The following CDH11 variants were observed in gnomAD, a reference collection of about 807,000 sequenced individuals.
CDH11 encodes cadherin-11.
Under a neutral mutation model 67.8 loss-of-function variants are expected in CDH11, and 11 were observed. The observed-to-expected ratio is 0.16, with a 90% CI of 0.10 to 0.27. The LOEUF (loss-of-function observed/expected upper bound fraction) is 0.27. CDH11 is among the 10% of genes least tolerant of loss of function. The probability of loss-of-function intolerance (pLI) is 1.00; values close to 1 mark genes in which losing one functional copy is unlikely to be tolerated. For missense variants in CDH11, 847 were observed against 1,031.2 expected (o/e 0.82, Z 2.45); for synonymous variants, 419 against 400.0 (o/e 1.05, Z -0.57).
chr16:65,006,756 A>G (rs2073063425), intron 2 of CDH11: 1 of 152,212 alleles, frequency 6.6e-6, no homozygotes, highest in South Asian at 2.1e-4. Context: ...CTCATCTTGA[A>G]TTCAACATGT....
intron 8 of CDH11, chr16:64,981,819 A>C: frequency 2.6e-6 from 1 of 382,156 alleles, no homozygotes; most frequent in Non-Finnish European, 4.6e-6. Flanking sequence ...GCCTGGGGGA[A>C]TCTGCTCCAG....
At chr16:64,972,535 G>C (rs1046877158) in intron 9 of CDH11, among the ~76,000 whole-genome samples, 12 of 152,154 alleles carry the variant, frequency 7.9e-5, no homozygotes, top group Non-Finnish European at 1.0e-4. Context: ...GATCAAGTTT[G>C]AGTTGTTGTC....
intron 2 of CDH11, among the ~76,000 whole-genome samples, chr16:65,021,889 A>G (rs1005069766): frequency 6.6e-5 from 10 of 151,050 alleles, no homozygotes; most frequent in African/African-American, 2.2e-4. Context: ...AAAAAAAAAA[A>G]AAAAGAAAGA....
chr16:65,053,847 C>A lies in CDH11; in HGVS notation c.-216G>T, dbSNP rs999035880. The A allele has an allele frequency of 2.4e-5, 11 of 455,916 alleles. No individual in the cohort carries two copies. In the Admixed American group the frequency reaches 2.6e-4, roughly 11 times the overall value. The allele number at this position is 455,916 out of a possible 1,614,324, so 28.2% of individuals were successfully genotyped here. Reference sequence around the variant, plus strand: ...ACTTGCTGCCAATTTCTGTAACACACTCCACCCATCTGATTGGTCACTCAA... The same window carrying A: ...ACTTGCTGCCAATTTCTGTAACACAATCCACCCATCTGATTGGTCACTCAA... On this transcript the variant is annotated 5_prime_UTR_variant, in exon 2 of 13. Transcript: ENST00000268603.
intron 2 of CDH11, among the ~76,000 whole-genome samples, chr16:65,031,452 A>G (rs1448823802): frequency 1.3e-5 from 2 of 152,214 alleles, no homozygotes; most frequent in African/African-American, 4.8e-5. Flanking sequence ...AAACCAAGGT[A>G]TGAGGCAGTT....
chr16:65,032,567 A>G (rs2073664337), intron 2 of CDH11, among the ~76,000 whole-genome samples: 1 of 152,060 alleles, frequency 6.6e-6, no homozygotes, highest in African/African-American at 2.4e-5. Flanking sequence ...CCTAAATTTG[A>G]CCCCAGCTAT....
intron 4 of CDH11, among the ~76,000 whole-genome samples, 200 bp downstream of exon 4, chr16:64,998,362 A>G (rs1413521520): frequency 1.3e-5 from 2 of 152,258 alleles, no homozygotes; most frequent in African/African-American, 4.8e-5. Flanking sequence ...GACTGGATGT[A>G]TATTATCTCT....
chr16:65,015,562 T>G (rs2073287915), intron 2 of CDH11, among the ~76,000 whole-genome samples: 1 of 152,132 alleles, frequency 6.6e-6, no homozygotes, highest in South Asian at 2.1e-4. Context: ...TGCCCTCTCT[T>G]CCCTGATTTA....
intron 11 of CDH11, among the ~76,000 whole-genome samples, chr16:64,952,627 G>T (rs963123409): frequency 1.3e-5 from 2 of 151,744 alleles, no homozygotes; most frequent in Non-Finnish European, 2.9e-5. Flanking sequence ...TTTTTAATAT[G>T]TTCCATCAAA....
intron 4 of CDH11, among the ~76,000 whole-genome samples, chr16:64,996,277 G>A (rs944406150): frequency 6.6e-6 from 1 of 152,084 alleles, no homozygotes; most frequent in African/African-American, 2.4e-5. Context: ...ATCACCTGAG[G>A]TCTGGAGTTC....
chr16:64,983,499 G>A (rs1353896031), intron 7 of CDH11, among the ~76,000 whole-genome samples: 31 of 152,106 alleles, frequency 2.0e-4, no homozygotes, highest in Admixed American at 1.9e-3. Context: ...CCTGGCAAAC[G>A]CTTATTCTGA....
chr16:65,078,994 T>A (rs2074563044), intron 1 of CDH11, among the ~76,000 whole-genome samples: 1 of 152,244 alleles, frequency 6.6e-6, no homozygotes, highest in Non-Finnish European at 1.5e-5. Flanking sequence ...TATGCCTGTG[T>A]TGATTCCGAA....
intron 2 of CDH11, among the ~76,000 whole-genome samples, chr16:65,012,859 T>A (rs1011835162): frequency 6.6e-6 from 1 of 152,232 alleles, no homozygotes; most frequent in African/African-American, 2.4e-5. Flanking sequence ...CTTGTTCAGA[T>A]ATAGACAATG....
intron 1 of CDH11, among the ~76,000 whole-genome samples, chr16:65,114,451 T>C (rs558512244): frequency 9.9e-5 from 15 of 151,986 alleles, no homozygotes; most frequent in Admixed American, 5.2e-4. Context: ...TGAGCTTAGA[T>C]AAGTGTCTTA....
At chr16:64,979,965 C>T (rs939992871) in intron 8 of CDH11, among the ~76,000 whole-genome samples, 1 of 152,150 alleles carries the variant, frequency 6.6e-6, no homozygotes, top group East Asian at 1.9e-4. Context: ...AATTCAGTTA[C>T]ATAAGACCAC....
Position 65,037,619 on chromosome 16 carries a change from A to G in CDH11, c.-173+16185T>C, listed in dbSNP as rs187076700. 3.9e-4 allele frequency among the ~76,000 whole-genome samples: 60 copies of G among 152,186 alleles called. 2 individuals are homozygous for G. In the East Asian group the frequency reaches 0.01, roughly 26 times the overall value. Reference sequence around the variant, plus strand: ...AATAACCACCCTCCTCTCTCCCCTAACAACCCTGCTAGAGTAACCCCCATC... The same window carrying G: ...AATAACCACCCTCCTCTCTCCCCTAGCAACCCTGCTAGAGTAACCCCCATC... On this transcript the variant is annotated intron_variant, in intron 2 of 12. Transcript: ENST00000268603.
chr16:65,037,357 T>C (rs1307683978), intron 2 of CDH11, among the ~76,000 whole-genome samples: 2 of 152,186 alleles, frequency 1.3e-5, no homozygotes, highest in Non-Finnish European at 2.9e-5. Context: ...TGTAAAATTC[T>C]AGCTGTGACC....
chr16:65,057,011 GA>G (rs954968312), intron 1 of CDH11, among the ~76,000 whole-genome samples: 1 of 151,902 alleles, frequency 6.6e-6, no homozygotes, highest in African/African-American at 2.4e-5. Flanking sequence ...TGGATTCTGT[GA>G]AAAAAACTGG....
rs918620518 is a variant in CDH11 at position 65,106,116 on chromosome 16, G to A, written c.-298+15764C>T. 1.3e-5 allele frequency among the ~76,000 whole-genome samples: 2 copies of A among 152,114 alleles called. 1 individual carries two copies. The highest frequency in any genetic ancestry group is 2.9e-5 in the Non-Finnish European group (2 of 68,026). On this transcript the variant is annotated intron_variant, in intron 1 of 12. Transcript: ENST00000268603. ...TAGGAGAATAATACACATATTCTCT[G>A]GGTCAAGTCAGTGTGACCGAAACTT...
Sources: allele counts gnomAD v4.1 joint callset (sites outside exome capture counted in the v4.1 genomes callset), GRCh38; gene constraint gnomAD v4.1.1; transcripts MANE v1.5; gene names NCBI Gene and HGNC (gene_info 2026-07-23, HGNC 2026-07-21).